SLC4A10: variants seen among roughly 807,000 people sequenced by gnomAD.
SLC4A10 encodes the protein solute carrier family 4 member 10, also known as sodium-driven chloride bicarbonate exchanger.
Under a neutral mutation model 137.7 loss-of-function variants are expected in SLC4A10, and 42 were observed. That is an observed-to-expected ratio of 0.30 (90% CI 0.24 to 0.39). SLC4A10 has a LOEUF of 0.39. Ranked by LOEUF, SLC4A10 falls within the 10% of genes least tolerant of loss-of-function variation. The pLI is 1.00. For synonymous variants in SLC4A10, 474 were observed against 464.1 expected, an observed-to-expected ratio of 1.02 and a Z score of -0.27; for missense variants, 925 against 1,355.0, an observed-to-expected ratio of 0.68 and a Z score of 4.98.
At chr2:161,967,251 G>A (rs1697762780) in intron 23 of SLC4A10, among the ~76,000 whole-genome samples, 1 of 152,178 alleles carries the variant, frequency 6.6e-6, no homozygotes, top group South Asian at 2.1e-4. Flanking sequence ...CTCAGTGTGA[G>A]TGAATGTGGG....
At chr2:161,833,443 C>T (rs1254936123) in intron 3 of SLC4A10, among the ~76,000 whole-genome samples, 1 of 152,152 alleles carries the variant, frequency 6.6e-6, no homozygotes, top group East Asian at 1.9e-4. Flanking sequence ...TTTCATAATG[C>T]TAATATAAGT....
intron 15 of SLC4A10, among the ~76,000 whole-genome samples, chr2:161,909,325 G>T (rs775361177): frequency 1.4e-4 from 22 of 152,028 alleles, no homozygotes; most frequent in Non-Finnish European, 2.5e-4. Flanking sequence ...AAGTGATCCC[G>T]CATGTTTAAG....
chr2:161,640,506 G>A (rs776213637), intron 1 of SLC4A10, among the ~76,000 whole-genome samples: 1 of 151,840 alleles, frequency 6.6e-6, no homozygotes, highest in African/African-American at 2.4e-5. Context: ...CAATTAACTC[G>A]GTAAACATTT....
At position 161,846,323 on chromosome 2, in the gene SLC4A10, C is replaced by T. The variant is rs554477662; in HGVS notation, c.416+6396C>T. On this transcript the variant is annotated intron_variant, in intron 4 of 26. Transcript: ENST00000446997. ...AAAAATGAAAAAATAGTCATAATAA[C>T]AAATGTTGGTGAGGATTTGAAAAAA... Among the ~76,000 whole-genome samples, 14 of 152,178 alleles carry T rather than the reference C, an allele frequency of 9.2e-5. No homozygotes were observed. The South Asian group carries it at 2.9e-3, about 32-fold the overall frequency.
At chr2:161,721,855 C>T (rs2045719497) in intron 1 of SLC4A10, among the ~76,000 whole-genome samples, 1 of 152,084 alleles carries the variant, frequency 6.6e-6, no homozygotes, top group African/African-American at 2.4e-5. Context: ...TTACATAATC[C>T]TTATAGTTCT....
intron 1 of SLC4A10, among the ~76,000 whole-genome samples, chr2:161,726,768 G>T (rs1484377451): frequency 6.6e-6 from 1 of 152,166 alleles, no homozygotes; most frequent in Non-Finnish European, 1.5e-5. Context: ...ATTTAACTAG[G>T]TGTGGTGGCA....
chr2:161,724,079 G>C (rs1192842112), intron 1 of SLC4A10, among the ~76,000 whole-genome samples: 1 of 152,160 alleles, frequency 6.6e-6, no homozygotes. Flanking sequence ...TAATCAGCAA[G>C]TTAGGTAGAT....
chr2:161,838,488 T>C (rs969311722), intron 3 of SLC4A10, among the ~76,000 whole-genome samples: 2 of 152,164 alleles, frequency 1.3e-5, no homozygotes, highest in African/African-American at 2.4e-5. Context: ...TTTATCAAAA[T>C]TTAAAACTTT....
chr2:161,813,644 A>G (rs536747431), intron 3 of SLC4A10, among the ~76,000 whole-genome samples: 22 of 152,246 alleles, frequency 1.4e-4, no homozygotes, highest in African/African-American at 5.1e-4. Context: ...GGAATGGATT[A>G]TCTGTAGGGC....
intron 1 of SLC4A10, among the ~76,000 whole-genome samples, chr2:161,631,704 A>G (rs1272857020): frequency 6.6e-6 from 1 of 151,750 alleles, no homozygotes; most frequent in Admixed American, 6.6e-5. Context: ...GTAAATTTCT[A>G]TGCAATATAG....
At chr2:161,637,081 G>A (rs907962095) in intron 1 of SLC4A10, among the ~76,000 whole-genome samples, 17 of 122,744 alleles carry the variant, frequency 1.4e-4, no homozygotes, top group Admixed American at 9.0e-4. Flanking sequence ...ACATAAATAC[G>A]TATATACATA....
At chr2:161,901,237 A>G in intron 12 of SLC4A10, 1 of 411,170 alleles carries the variant, frequency 2.4e-6, no homozygotes, top group Non-Finnish European at 4.4e-6. Flanking sequence ...CTAGTCTTTC[A>G]TTTTGCTGTG....
chr2:161,891,129 C>G (rs183532736), intron 10 of SLC4A10, among the ~76,000 whole-genome samples: 2 of 152,166 alleles, frequency 1.3e-5, no homozygotes, highest in Admixed American at 1.3e-4. Context: ...GGCCCCCACT[C>G]TCTTCTGGCA....
chr2:161,872,613 G>A (rs919068854), intron 7 of SLC4A10, among the ~76,000 whole-genome samples: 1 of 149,862 alleles, frequency 6.7e-6, no homozygotes, highest in East Asian at 1.9e-4. Flanking sequence ...TCATGTTTCA[G>A]CCACTTGGTA....
chr2:161,978,219 T>A (rs1248792490), intron 26 of SLC4A10, among the ~76,000 whole-genome samples: 1 of 150,970 alleles, frequency 6.6e-6, no homozygotes, highest in Non-Finnish European at 1.5e-5. Flanking sequence ...ACCTTTTCTG[T>A]ACTAAAAATA....
chr2:161,956,921 G>A lies in SLC4A10; in HGVS notation c.2542-68G>A, dbSNP rs529795614. ...TATCATCAGGAAGTGGTTTCTATTC[G>A]CAATCAGGCCACCCTTAGCCCTGTT... On this transcript the variant is annotated intron_variant, in intron 19 of 26. Coordinates refer to ENST00000446997, the MANE Select transcript of SLC4A10 (RefSeq NM_001178015.2). 121 of 1,464,262 alleles carry A rather than the reference G, an allele frequency of 8.3e-5. 1 individual carries two copies. In the African/African-American group the frequency reaches 1.3e-3, roughly 16 times the overall value. The allele number at this position is 1,464,262 out of a possible 1,614,324, so 90.7% of individuals were successfully genotyped here.
At chr2:161,822,800 C>A (rs2057730819) in intron 3 of SLC4A10, among the ~76,000 whole-genome samples, 1 of 152,054 alleles carries the variant, frequency 6.6e-6, no homozygotes. Flanking sequence ...CATGGCAAAA[C>A]CTCCTCTCTG....
intron 23 of SLC4A10, among the ~76,000 whole-genome samples, chr2:161,968,328 G>C (rs564099942): frequency 6.6e-6 from 1 of 152,274 alleles, no homozygotes; most frequent in African/African-American, 2.4e-5. Flanking sequence ...ATAGGGCAGA[G>C]AACATATGTA....
intron 16 of SLC4A10, among the ~76,000 whole-genome samples, chr2:161,945,808 T>C (rs879467598): frequency 2.6e-5 from 4 of 151,882 alleles, no homozygotes; most frequent in Non-Finnish European, 5.9e-5. Context: ...AATTATAGAG[T>C]GTAAGACAGC....
Sources: allele counts gnomAD v4.1 joint callset (sites outside exome capture counted in the v4.1 genomes callset), GRCh38; gene constraint gnomAD v4.1.1; transcripts MANE v1.5; gene names NCBI Gene and HGNC (gene_info 2026-07-23, HGNC 2026-07-21).